MYH4: variants seen among roughly 807,000 people sequenced by gnomAD.
MYH4 encodes the protein myosin-4.
In MYH4, 200 loss-of-function variants were observed where a neutral mutation model predicts 229.9. The ratio of observed to expected loss-of-function variants is 0.87; its 90% confidence interval spans 0.78 to 0.98. The LOEUF (loss-of-function observed/expected upper bound fraction) is 0.98, where lower values mean the gene tolerates loss of function less well. Ranked by LOEUF, MYH4 falls within the 50% of genes least tolerant of loss-of-function variation. The pLI, the probability that MYH4 is intolerant of heterozygous loss-of-function variation, is 0.00. For synonymous variants in MYH4, 761 were observed against 834.6 expected, an observed-to-expected ratio of 0.91 and a Z score of 1.52; for missense variants, 2,148 against 2,332.6, an observed-to-expected ratio of 0.92 and a Z score of 1.63.
At position 10,445,063 on chromosome 17, in the gene MYH4, G is replaced by C. The variant is rs199974986; in HGVS notation, c.5379C>G (p.Thr1793=). ...CCAGACGGAGCTGCAGATCCTTCAC[G>C]GTCTGCTCCATGTTCTTCTTCATCC... The part of the protein sequence containing the change: ...LERMKKNMEQ[T]VKDLQLRLDE... Residue 1793 remains threonine, a synonymous_variant, in exon 37 of 40, where the codon ACC becomes ACG. Coordinates refer to ENST00000255381, the MANE Select transcript of MYH4 (RefSeq NM_017533.2). 5 of 1,614,088 alleles carry C rather than the reference G, an allele frequency of 3.1e-6. No individual in the cohort carries two copies. In the Admixed American group the frequency reaches 5.0e-5, roughly 16 times the overall value.
rs146550695 is a variant in MYH4 at position 10,455,005 on chromosome 17, G to A, written c.2371C>T (p.Arg791Cys). 126 of 1,614,032 alleles carry A rather than the reference G, an allele frequency of 7.8e-5. No homozygotes were observed. Among genetic ancestry groups the A allele is most frequent in the East Asian group, 2.5e-4 (11 of 44,896 alleles). ...AACCCTCTGCATATGGCTTGAGTGCGCGTGATGAGTTGAGCTAGCTTTTCA... is the reference window on the plus strand; with the variant it reads ...AACCCTCTGCATATGGCTTGAGTGCACGTGATGAGTTGAGCTAGCTTTTCA... ...RDEKLAQLIT[R>C]TQAICRGFLM... Residue 791 changes from arginine to cysteine, a missense_variant, in exon 21 of 40, where the codon CGC (arginine) becomes TGC (cysteine). By Grantham distance (180) the Arg-to-Cys change is radical (BLOSUM62 -3). Coordinates refer to ENST00000255381, the MANE Select transcript of MYH4 (RefSeq NM_017533.2).
At chr17:10,449,074 C>T in intron 30 of MYH4, 27 bp from the exon 31 acceptor site, 1 of 1,606,792 alleles carries the variant, frequency 6.2e-7, no homozygotes, top group Non-Finnish European at 8.5e-7. Context: ...TATGAGTGAC[C>T]AAGAGCAGAC....
At position 10,443,296 on chromosome 17, in the gene MYH4, T is replaced by A; in HGVS notation, c.*79A>T. On this transcript the variant is annotated 3_prime_UTR_variant, in exon 40 of 40. Coordinates refer to ENST00000255381, the MANE Select transcript of MYH4 (RefSeq NM_017533.2). The surrounding 1 kb of genome is among the most constrained non-coding windows in gnomAD (Gnocchi z 4.6). The stretch of plus-strand genomic sequence containing the variant: ...TGCAAAATTATCTAAAGATTTTATT[T>A]CCTTGATATACAGGACAGTGACAAA... 2 of 1,430,770 alleles carry A rather than the reference T, an allele frequency of 1.4e-6. No homozygotes were observed. Among genetic ancestry groups the A allele is most frequent in the South Asian group, 2.6e-5 (2 of 76,116 alleles). 88.6% of individuals were successfully genotyped at this position (1,430,770 alleles called of 1,614,324 possible).
intron 17 of MYH4, 139 bp from the exon 18 acceptor site, chr17:10,456,040 A>G (rs1597419944): frequency 7.5e-6 from 8 of 1,071,576 alleles, no homozygotes; most frequent in Admixed American, 2.5e-5. Context: ...GAGGAATCAT[A>G]TAAGTGGAGC....
chr17:10,457,230 A>C (rs2072650189), intron 16 of MYH4, among the ~76,000 whole-genome samples, 190 bp downstream of exon 16: 1 of 152,238 alleles, frequency 6.6e-6, no homozygotes, highest in African/African-American at 2.4e-5. Context: ...TAAATGCTCC[A>C]TAGTGTCACT....
Position 10,456,569 on chromosome 17 carries a change from TG to T in MYH4, c.1898-15del. 1 of 1,612,104 alleles carries T rather than the reference TG, an allele frequency of 6.2e-7. No individual in the cohort carries two copies. The highest frequency in any genetic ancestry group is 8.5e-7 in the Non-Finnish European group (1 of 1,178,402). On this transcript the variant is annotated splice_polypyrimidine_tract_variant and intron_variant, in intron 16 of 39. Transcript: ENST00000255381. ...CACCACCACCCTCTAAAAAACAAAA[TG>T]GGAAAAATAAAGTTATTTGCAACTG...
Position 10,446,983 on chromosome 17 carries a change from C to A in MYH4, c.5169+30G>T, listed in dbSNP as rs761932130. On this transcript the variant is annotated intron_variant, in intron 35 of 39. Transcript: ENST00000255381. ...AAATTATCTTCAGCTTCAGGGAGTA[C>A]ATTTTCTAAACCATAGTCTTGAACC... The A allele has an allele frequency of 1.9e-4, 309 of 1,596,624 alleles. 1 individual carries two copies. In the Middle Eastern group the frequency reaches 2.9e-3, roughly 15 times the overall value.
rs1033352967 is a variant in MYH4, at chr17:10,453,468, G to A, written c.2935-140C>T. 7 of 1,547,750 alleles carry A rather than the reference G, an allele frequency of 4.5e-6. No individual in the cohort carries two copies. In the Admixed American group the frequency reaches 9.5e-5, roughly 21 times the overall value. ...GAGCTAACCCAGGCCTATAATGGCTGAAAAAATAGGAGGTAAAGGTCAAGT... is the reference window on the plus strand; with the variant it reads ...GAGCTAACCCAGGCCTATAATGGCTAAAAAAATAGGAGGTAAAGGTCAAGT... On this transcript the variant is annotated intron_variant, in intron 23 of 39. Coordinates refer to ENST00000255381, the MANE Select transcript of MYH4 (RefSeq NM_017533.2).
intron 2 of MYH4, among the ~76,000 whole-genome samples, chr17:10,468,437 A>G (rs551052366): frequency 1.3e-5 from 2 of 152,364 alleles, no homozygotes; most frequent in African/African-American, 4.8e-5. Flanking sequence ...ACATTTCCAC[A>G]TGAACAGTGT....
intron 14 of MYH4, 152 bp downstream of exon 14, chr17:10,459,800 T>C (rs550747519): frequency 2.1e-6 from 3 of 1,431,030 alleles, no homozygotes; most frequent in Admixed American, 2.2e-5. Flanking sequence ...TCTTTTCCTA[T>C]TTATACCTAT....
chr17:10,465,024 T>G (rs2072746899), intron 5 of MYH4, among the ~76,000 whole-genome samples: 1 of 152,234 alleles, frequency 6.6e-6, no homozygotes, highest in Non-Finnish European at 1.5e-5. Context: ...AGTACAAAAT[T>G]ATGTCAATGT....
chr17:10,455,342 A>C, intron 19 of MYH4, 47 bp from the exon 20 acceptor site: 1 of 1,567,970 alleles, frequency 6.4e-7, no homozygotes, highest in South Asian at 1.2e-5. Context: ...CTTCACTGAA[A>C]AAAACAGTAG....
At position 10,463,175 on chromosome 17, in the gene MYH4, C is replaced by T; in HGVS notation, c.819G>A (p.Lys273=). 1.2e-6 allele frequency: 2 copies of T among 1,613,040 alleles called. No homozygotes were observed. The highest frequency in any genetic ancestry group is 1.7e-6 in the Non-Finnish European group (2 of 1,179,356). Reference sequence around the variant, plus strand: ...CCTTTAGCTGAAAAGTAACTCGGGACTTCTCTAGCAGATCTGGAAGTCAGA... The same window carrying T: ...CCTTTAGCTGAAAAGTAACTCGGGATTTCTCTAGCAGATCTGGAAGTCAGA... ...SADIETYLLE[K]SRVTFQLKAE... Residue 273 remains lysine (K), a synonymous_variant, in exon 10 of 40, where the codon AAG becomes AAA. Coordinates refer to ENST00000255381, the MANE Select transcript of MYH4 (RefSeq NM_017533.2).
chr17:10,456,419 T>C, intron 17 of MYH4, 66 bp downstream of exon 17: 1 of 1,335,104 alleles, frequency 7.5e-7, no homozygotes, highest in East Asian at 2.3e-5. Flanking sequence ...TTTTAAAAAA[T>C]TTTCTGTTTT....
intron 15 of MYH4, among the ~76,000 whole-genome samples, chr17:10,457,938 A>T (rs9893585): frequency 0.068 from 10,426 of 152,278 alleles, 410 homozygotes; most frequent in South Asian, 0.12. Context: ...ATACATCTGA[A>T]CTATTTGGCA....
chr17:10,468,112 T>A (rs1055209520), intron 2 of MYH4, among the ~76,000 whole-genome samples: 1 of 152,234 alleles, frequency 6.6e-6, no homozygotes, highest in Non-Finnish European at 1.5e-5. Flanking sequence ...TTTCAGGGGA[T>A]ATATATTGGA....
Position 10,455,046 on chromosome 17 carries a change from A to G in MYH4, c.2330T>C (p.Leu777Pro), listed in dbSNP as rs761241412. The G allele has an allele frequency of 1.2e-6, 2 of 1,614,214 alleles. No individual in the cohort carries two copies. Among genetic ancestry groups the G allele is most frequent in the South Asian group, 1.1e-5 (1 of 91,080 alleles). The stretch of plus-strand genomic sequence containing the variant: ...TAGCTTTTCATCTCGCATTTCCTCT[A>G]GAGTTCCCAGCAGGCCAGCTTTGAA... ...VFFKAGLLGT[L>P]EEMRDEKLAQ... is the part of the protein sequence containing the mutation. Residue 777 changes from leucine to proline, a missense_variant, in exon 21 of 40, where the codon CTA becomes CCA. Transcript: ENST00000255381.
intron 11 of MYH4, among the ~76,000 whole-genome samples, chr17:10,462,549 A>G (rs1190278228): frequency 2.0e-5 from 3 of 152,236 alleles, no homozygotes; most frequent in Admixed American, 1.3e-4. Context: ...GAGGTGTGGC[A>G]TAAAATAGCA....
chr17:10,461,516 C>T (rs990873113), intron 11 of MYH4, among the ~76,000 whole-genome samples: 3 of 152,148 alleles, frequency 2.0e-5, no homozygotes, highest in African/African-American at 7.2e-5. Flanking sequence ...CTACCTTCCC[C>T]TGCTAATGGG....
Sources: gnomAD v4.1 joint callset for allele counts (sites outside exome capture counted in the v4.1 genomes callset) on GRCh38, gnomAD v4.1.1 for gene constraint, Gnocchi (gnomAD v3.1) non-coding constraint, MANE v1.5 for transcripts, NCBI Gene and HGNC (gene_info 2026-07-23, HGNC 2026-07-21) for gene names.